The following LRRTM4 variants were observed in gnomAD, a reference collection of about 807,000 sequenced individuals.
LRRTM4 encodes the protein leucine-rich repeat transmembrane neuronal protein 4.
A neutral mutation model predicts 47.6 loss-of-function variants in LRRTM4; 25 were observed. That is an observed-to-expected ratio of 0.53 (90% CI 0.38 to 0.73). The LOEUF is 0.73. Ranked by LOEUF, LRRTM4 falls within the 30% of genes least tolerant of loss-of-function variation. The pLI is 0.00. For missense variants in LRRTM4, 638 were observed against 713.4 expected (o/e 0.89, Z 1.20); for synonymous variants, 311 against 269.5 (o/e 1.15, Z -1.51).
chr2:77,178,880 C>A, intron 3 of LRRTM4, among the ~76,000 whole-genome samples: 1 of 152,024 alleles, frequency 6.6e-6, no homozygotes, highest in East Asian at 1.9e-4. Flanking sequence ...AAATTGCTCT[C>A]AAAAAAGGTG....
chr2:77,068,619 T>C (rs1425361236), intron 3 of LRRTM4, among the ~76,000 whole-genome samples: 1 of 152,240 alleles, frequency 6.6e-6, no homozygotes, highest in African/African-American at 2.4e-5. Context: ...TTCTATGTTA[T>C]AGCACATACT....
intron 3 of LRRTM4, among the ~76,000 whole-genome samples, chr2:76,815,484 T>C (rs1670872700): frequency 6.6e-6 from 1 of 152,074 alleles, no homozygotes; most frequent in Non-Finnish European, 1.5e-5. Context: ...AATTAATTAA[T>C]ATCTATCAAC....
chr2:77,196,917 G>GT (rs1673844538), intron 3 of LRRTM4, among the ~76,000 whole-genome samples: 1 of 151,966 alleles, frequency 6.6e-6, no homozygotes, highest in Admixed American at 6.6e-5. Flanking sequence ...ACCATGTTAT[G>GT]TTTTTTTAAT....
At chr2:77,477,917 A>AAG (rs1469665553) in intron 3 of LRRTM4, among the ~76,000 whole-genome samples, 81 of 81,584 alleles carry the variant, frequency 9.9e-4, no homozygotes, top group Non-Finnish European at 1.6e-3. Flanking sequence ...GAAAGAAAGA[A>AAG]AGAAAGAAAG....
intron 3 of LRRTM4, among the ~76,000 whole-genome samples, chr2:76,845,862 G>A (rs914729742): frequency 1.3e-5 from 2 of 152,126 alleles, no homozygotes; most frequent in African/African-American, 4.8e-5. Flanking sequence ...AGTTTCAGAA[G>A]CTAGGGGTGG....
intron 3 of LRRTM4, among the ~76,000 whole-genome samples, chr2:77,455,673 C>T (rs942438803): frequency 5.3e-5 from 8 of 152,074 alleles, no homozygotes; most frequent in African/African-American, 1.9e-4. Context: ...TTATTTACTA[C>T]TTGGCTGTGC....
intron 3 of LRRTM4, among the ~76,000 whole-genome samples, chr2:77,181,028 T>C (rs1396969120): frequency 6.6e-6 from 1 of 152,188 alleles, no homozygotes; most frequent in Non-Finnish European, 1.5e-5. Context: ...ACATTATAAA[T>C]TGAAACTATG....
chr2:76,955,989 A>G (rs1256176683), intron 3 of LRRTM4, among the ~76,000 whole-genome samples: 3 of 151,302 alleles, frequency 2.0e-5, no homozygotes, highest in Non-Finnish European at 4.4e-5. Flanking sequence ...TTTAAGTGTA[A>G]ATCGATAAAA....
intron 3 of LRRTM4, among the ~76,000 whole-genome samples, chr2:77,012,569 C>T (rs781250044): frequency 3.3e-5 from 5 of 152,102 alleles, no homozygotes; most frequent in Non-Finnish European, 7.4e-5. Flanking sequence ...TCTCATTGCA[C>T]GTTAAAGTTC....
chr2:77,067,086 G>A (rs1679981057), intron 3 of LRRTM4, among the ~76,000 whole-genome samples: 1 of 152,216 alleles, frequency 6.6e-6, no homozygotes, highest in Non-Finnish European at 1.5e-5. Flanking sequence ...TAGAACTGGA[G>A]ATAAGTCTAC....
intron 3 of LRRTM4, among the ~76,000 whole-genome samples, chr2:76,772,510 A>T (rs933818887): frequency 1.1e-4 from 16 of 152,354 alleles, no homozygotes; most frequent in South Asian, 2.1e-4. Flanking sequence ...ATATGTTTTA[A>T]AAATCATAAC....
Position 77,507,729 on chromosome 2 carries a change from T to C in LRRTM4, c.1551+10589A>G, listed in dbSNP as rs191174044. Among the ~76,000 whole-genome samples, 887 of 152,198 alleles carry C rather than the reference T, an allele frequency of 5.8e-3. 8 individuals carry two copies. The highest frequency in any genetic ancestry group is 0.021 in the African/African-American group (864 of 41,528). On this transcript the variant is annotated intron_variant, in intron 3 of 3. Coordinates refer to ENST00000409884, the MANE Select transcript of LRRTM4 (RefSeq NM_001134745.3). ...AAAGTGGTTGAGAATATTTGGTCTC[T>C]GTGGTTCAGAAGTTACAGAGGAAAC...
At chr2:77,424,817 A>G (rs1675043800) in intron 3 of LRRTM4, among the ~76,000 whole-genome samples, 1 of 152,178 alleles carries the variant, frequency 6.6e-6, no homozygotes, top group Admixed American at 6.5e-5. Flanking sequence ...AAGTTATACT[A>G]TATTTGGCTA....
At chr2:76,967,023 A>G (rs1452669442) in intron 3 of LRRTM4, among the ~76,000 whole-genome samples, 2 of 151,478 alleles carry the variant, frequency 1.3e-5, no homozygotes, top group African/African-American at 4.8e-5. Flanking sequence ...CCTATCAAAT[A>G]AATAAATTTG....
At chr2:77,078,246 A>C (rs760351223) in intron 3 of LRRTM4, among the ~76,000 whole-genome samples, 26 of 152,198 alleles carry the variant, frequency 1.7e-4, no homozygotes, top group Non-Finnish European at 2.9e-4. Flanking sequence ...AATAACTGGC[A>C]ATGTTGAATT....
At chr2:76,780,434 A>G (rs1674307020) in intron 3 of LRRTM4, among the ~76,000 whole-genome samples, 1 of 152,024 alleles carries the variant, frequency 6.6e-6, no homozygotes, top group African/African-American at 2.4e-5. Context: ...ACATAGTCCC[A>G]TATTTCTTGG....
At chr2:76,759,723 T>C (rs1347329442) in intron 3 of LRRTM4, among the ~76,000 whole-genome samples, 1 of 152,140 alleles carries the variant, frequency 6.6e-6, no homozygotes, top group Non-Finnish European at 1.5e-5. Context: ...TGGACTTTTG[T>C]ATTCACTATT....
At chr2:77,386,726 G>A (rs1345924688) in intron 3 of LRRTM4, among the ~76,000 whole-genome samples, 1 of 152,034 alleles carries the variant, frequency 6.6e-6, no homozygotes, top group Non-Finnish European at 1.5e-5. Context: ...TCGTAAGTGG[G>A]AGTTGAACAG....
At chr2:77,341,298 T>C (rs752532742) in intron 3 of LRRTM4, among the ~76,000 whole-genome samples, 1 of 152,004 alleles carries the variant, frequency 6.6e-6, no homozygotes, top group Non-Finnish European at 1.5e-5. Context: ...TCAGTACCCA[T>C]GAATGAATCA....
Sources: allele counts gnomAD v4.1 joint callset (sites outside exome capture counted in the v4.1 genomes callset), GRCh38; gene constraint gnomAD v4.1.1; transcripts MANE v1.5; gene names NCBI Gene and HGNC (gene_info 2026-07-23, HGNC 2026-07-21).